Variants in ARHGAP15 observed in about 807,000 individuals in gnomAD.
The protein encoded by ARHGAP15 is Rho GTPase activating protein 15.
Under a neutral mutation model 63.7 loss-of-function variants are expected in ARHGAP15, and 51 were observed. That is an observed-to-expected ratio of 0.80 (90% CI 0.64 to 1.01). The LOEUF (loss-of-function observed/expected upper bound fraction) is 1.01. ARHGAP15 is among the 50% of genes least tolerant of loss of function. The probability of loss-of-function intolerance (pLI) is 0.00; values close to 1 mark genes in which losing one functional copy is unlikely to be tolerated. For missense variants in ARHGAP15, 560 were observed against 564.6 expected (o/e 0.99, Z 0.08); for synonymous variants, 191 against 193.8 (o/e 0.99, Z 0.12).
chr2:143,598,439 C>T (rs1009507058), intron 11 of ARHGAP15, among the ~76,000 whole-genome samples: 12 of 152,140 alleles, frequency 7.9e-5, no homozygotes, highest in Non-Finnish European at 1.3e-4. Context: ...CCGAGGCCAT[C>T]ATGCTATGTT....
At chr2:143,429,220 G>GTT (rs67580605) in intron 6 of ARHGAP15, among the ~76,000 whole-genome samples, 23 of 131,928 alleles carry the variant, frequency 1.7e-4, no homozygotes, top group East Asian at 4.9e-4. Context: ...GAACATGAGG[G>GTT]TTTTTTTTTT....
chr2:143,147,374 G>A (rs765979886), intron 1 of ARHGAP15, among the ~76,000 whole-genome samples: 12 of 151,996 alleles, frequency 7.9e-5, no homozygotes, highest in Admixed American at 5.9e-4. Flanking sequence ...GCGGAAAATC[G>A]CTCAGCATTT....
chr2:143,604,245 T>C (rs1011029347), intron 11 of ARHGAP15, among the ~76,000 whole-genome samples: 2 of 152,218 alleles, frequency 1.3e-5, no homozygotes, highest in Non-Finnish European at 2.9e-5. Context: ...GAAATTCAGG[T>C]TATAATATAG....
intron 12 of ARHGAP15, among the ~76,000 whole-genome samples, chr2:143,687,496 G>C (rs1244079872): frequency 6.6e-6 from 1 of 152,150 alleles, no homozygotes; most frequent in South Asian, 2.1e-4. Context: ...TAGTCTAAAG[G>C]CATTTTATAT....
chr2:143,463,813 TG>T (rs1159377816), intron 8 of ARHGAP15, among the ~76,000 whole-genome samples: 1 of 152,168 alleles, frequency 6.6e-6, no homozygotes, highest in Non-Finnish European at 1.5e-5. Flanking sequence ...CCACCTAAAT[TG>T]GTGTGTGATT....
chr2:143,613,245 A>G (rs1342463884), intron 11 of ARHGAP15, among the ~76,000 whole-genome samples: 1 of 152,222 alleles, frequency 6.6e-6, no homozygotes, highest in Non-Finnish European at 1.5e-5. Flanking sequence ...TCAATTATTA[A>G]TAATACATTG....
intron 13 of ARHGAP15, among the ~76,000 whole-genome samples, chr2:143,710,817 C>G (rs1684546724): frequency 6.6e-6 from 1 of 152,148 alleles, no homozygotes; most frequent in Admixed American, 6.5e-5. Flanking sequence ...CATTCTCAGC[C>G]CTTAGAAACT....
At chr2:143,722,519 C>T (rs963693025) in intron 13 of ARHGAP15, among the ~76,000 whole-genome samples, 3 of 151,994 alleles carry the variant, frequency 2.0e-5, no homozygotes, top group Admixed American at 2.0e-4. Context: ...CCATACTATA[C>T]GCAGGAAAGT....
rs530986607 is a variant in ARHGAP15, at chr2:143,250,414, A to G, written c.385-97A>G. On this transcript the variant is annotated intron_variant, in intron 5 of 13. Coordinates refer to ENST00000295095, the MANE Select transcript of ARHGAP15 (RefSeq NM_018460.4). ...GAAAACAAAAAAGGCATTATATCAT[A>G]AATATGTATAGCTGCTAACTCAATA... is the stretch of plus-strand genomic sequence containing the variant. 352 of 880,956 alleles carry G rather than the reference A, an allele frequency of 4.0e-4. No individual in the cohort carries two copies. In the African/African-American group the frequency reaches 5.6e-3, roughly 14 times the overall value. 54.6% of individuals were successfully genotyped at this position (880,956 alleles called of 1,614,324 possible).
intron 10 of ARHGAP15, among the ~76,000 whole-genome samples, chr2:143,543,216 G>A (rs1242641525): frequency 2.0e-5 from 3 of 151,750 alleles, no homozygotes; most frequent in Non-Finnish European, 4.4e-5. Flanking sequence ...GTTATCTTTT[G>A]TCTTTTTAAT....
intron 6 of ARHGAP15, among the ~76,000 whole-genome samples, chr2:143,282,691 G>C (rs1056194991): frequency 6.6e-6 from 1 of 152,084 alleles, no homozygotes. Context: ...CATCTTAAAC[G>C]TGAGAAAACT....
intron 7 of ARHGAP15, among the ~76,000 whole-genome samples, chr2:143,436,585 T>C (rs765620318): frequency 2.6e-5 from 4 of 152,158 alleles, no homozygotes; most frequent in Admixed American, 6.6e-5. Context: ...TATCATTTGT[T>C]ACCTGTGTGG....
intron 8 of ARHGAP15, among the ~76,000 whole-genome samples, chr2:143,472,984 T>C (rs1691650281): frequency 6.6e-6 from 1 of 152,146 alleles, no homozygotes; most frequent in Admixed American, 6.5e-5. Flanking sequence ...AACATTTTTA[T>C]TGATCACCGC....
intron 11 of ARHGAP15, among the ~76,000 whole-genome samples, chr2:143,597,041 T>A (rs1260153297): frequency 6.6e-6 from 1 of 152,016 alleles, no homozygotes; most frequent in African/African-American, 2.4e-5. Context: ...TGACTACAAT[T>A]TGTATTTCTC....
intron 13 of ARHGAP15, among the ~76,000 whole-genome samples, chr2:143,715,257 C>A (rs1296009610): frequency 2.0e-5 from 3 of 152,166 alleles, no homozygotes; most frequent in Admixed American, 6.5e-5. Context: ...TTCGCTATCA[C>A]GAGAATAGCA....
intron 4 of ARHGAP15, among the ~76,000 whole-genome samples, chr2:143,221,762 C>A (rs951823051): frequency 1.2e-4 from 19 of 152,152 alleles, no homozygotes; most frequent in Non-Finnish European, 2.4e-4. Flanking sequence ...ACATTCTTCT[C>A]TCCTTAGATG....
At chr2:143,279,745 A>C (rs904751598) in intron 6 of ARHGAP15, among the ~76,000 whole-genome samples, 3 of 152,136 alleles carry the variant, frequency 2.0e-5, no homozygotes, top group Admixed American at 1.3e-4. Flanking sequence ...GCTTTATTGG[A>C]CATTGAACAC....
At chr2:143,612,960 A>T (rs1402056898) in intron 11 of ARHGAP15, among the ~76,000 whole-genome samples, 3 of 152,242 alleles carry the variant, frequency 2.0e-5, no homozygotes, top group Non-Finnish European at 2.9e-5. Context: ...CTAGTAGTTT[A>T]TACCTTTACT....
intron 6 of ARHGAP15, among the ~76,000 whole-genome samples, chr2:143,340,804 C>T (rs1489787309): frequency 6.6e-6 from 1 of 152,036 alleles, no homozygotes; most frequent in Non-Finnish European, 1.5e-5. Context: ...GTTGGTGGCA[C>T]ACAATGGAAA....
Sources: gnomAD v4.1 joint callset for allele counts (sites outside exome capture counted in the v4.1 genomes callset) on GRCh38, gnomAD v4.1.1 for gene constraint, MANE v1.5 for transcripts, NCBI Gene and HGNC (gene_info 2026-07-23, HGNC 2026-07-21) for gene names.